The following IQGAP1 variants were observed in gnomAD, a reference collection of about 807,000 sequenced individuals.
The protein encoded by IQGAP1 is IQ motif containing GTPase activating protein 1, also known as ras GTPase-activating-like protein IQGAP1.
In IQGAP1, 66 loss-of-function variants were observed where a neutral mutation model predicts 215.6. The observed-to-expected ratio is 0.31, with a 90% CI of 0.25 to 0.38. IQGAP1 has a LOEUF of 0.38. IQGAP1 is among the 10% of genes least tolerant of loss of function. The probability of loss-of-function intolerance (pLI) is 1.00; values close to 1 mark genes in which losing one functional copy is unlikely to be tolerated. For missense variants in IQGAP1, 1,712 were observed against 1,997.1 expected (o/e 0.86, Z 2.72); for synonymous variants, 772 against 728.7 (o/e 1.06, Z -0.96).
At chr15:90,448,816 G>C in intron 10 of IQGAP1, 80 bp downstream of exon 10, 1 of 1,212,410 alleles carries the variant, frequency 8.2e-7, no homozygotes, top group Non-Finnish European at 1.1e-6. Flanking sequence ...AGATATATAT[G>C]CTGCCTTTGT....
At chr15:90,484,453 TCTAA>T in intron 30 of IQGAP1, 101 bp downstream of exon 30, 1 of 842,446 alleles carries the variant, frequency 1.2e-6, no homozygotes, top group Non-Finnish European at 1.9e-6. Context: ...CTTCCTGTAA[TCTAA>T]CTGACAATGC....
rs1479487614 is a variant in IQGAP1, at chr15:90,500,075, C to A, written c.4941C>A (p.Ile1647=). 5.6e-6 allele frequency: 9 copies of A among 1,610,458 alleles called. No homozygotes were observed. The East Asian group carries it at 1.1e-4, about 20-fold the overall frequency. Residue 1647 remains isoleucine (I), a synonymous_variant, in exon 38 of 38, where the codon ATC becomes ATA. Transcript: ENST00000268182. The part of the protein sequence containing the change: ...DRAKVNVNLL[I]FLLNKKFYGK Reference sequence around the variant, plus strand: ...CTAAAGTAAATGTCAACCTCCTGATCTTCCTTCTCAACAAAAAGTTCTACG... The same window carrying A: ...CTAAAGTAAATGTCAACCTCCTGATATTCCTTCTCAACAAAAAGTTCTACG...
intron 2 of IQGAP1, among the ~76,000 whole-genome samples, chr15:90,419,140 GAA>G (rs200209041): frequency 5.7e-4 from 64 of 112,156 alleles, no homozygotes; most frequent in Middle Eastern, 4.7e-3. Context: ...TCTCAAAAAA[GAA>G]AAAAAAAAAA....
chr15:90,491,600 G>A (rs551417439), intron 34 of IQGAP1, 55 bp downstream of exon 34: 241 of 1,404,554 alleles, frequency 1.7e-4, no homozygotes, highest in Middle Eastern at 1.1e-3. Flanking sequence ...TGAGAGGCTC[G>A]AGAGACAGTA....
At chr15:90,402,418 TTTC>T (rs1296322963) in intron 2 of IQGAP1, among the ~76,000 whole-genome samples, 5 of 152,200 alleles carry the variant, frequency 3.3e-5, no homozygotes, top group African/African-American at 1.2e-4. Flanking sequence ...AAAAGCTCTA[TTTC>T]TTCTTTACTC....
Position 90,487,048 on chromosome 15 carries a change from A to G in IQGAP1, c.4119A>G (p.Gly1373=), listed in dbSNP as rs891105035. ...LTLTNKFDVP[G]DENAEMDART... is the part of the protein sequence containing the mutation. ...TGACCAACAAGTTCGACGTGCCTGGAGATGAGAATGCAGAAATGGATGCTC... is the reference window on the plus strand; with the variant it reads ...TGACCAACAAGTTCGACGTGCCTGGGGATGAGAATGCAGAAATGGATGCTC... The change falls in exon 32 of 38, where the codon GGA becomes GGG. Residue 1373 remains glycine, a synonymous_variant. Coordinates refer to ENST00000268182, the MANE Select transcript of IQGAP1 (RefSeq NM_003870.4). The G allele has an allele frequency of 1.2e-6, 2 of 1,614,038 alleles. No individual in the cohort carries two copies. Among genetic ancestry groups the G allele is most frequent in the Middle Eastern group, 1.6e-4 (1 of 6,084 alleles).
At chr15:90,419,202 G>A (rs935085748) in intron 2 of IQGAP1, among the ~76,000 whole-genome samples, 1 of 151,264 alleles carries the variant, frequency 6.6e-6, no homozygotes, top group Non-Finnish European at 1.5e-5. Flanking sequence ...GTTCAAGTGA[G>A]AGTTTACTTG....
chr15:90,474,230 A>G (rs937692362), intron 22 of IQGAP1, 97 bp downstream of exon 22: 12 of 1,126,896 alleles, frequency 1.1e-5, no homozygotes, highest in Middle Eastern at 4.2e-4. Context: ...CCTGAAGGCA[A>G]GGCTTGGGGG....
intron 37 of IQGAP1, among the ~76,000 whole-genome samples, chr15:90,497,672 G>C (rs1213217481): frequency 6.6e-6 from 1 of 152,194 alleles, no homozygotes; most frequent in Admixed American, 6.5e-5. Flanking sequence ...TCAGTAGCTT[G>C]AAATCTTTTT....
rs1965625925 is a variant in IQGAP1, at chr15:90,452,924, C to T, written c.1312C>T (p.Arg438Ter). ...LYQKELATLQ[R>*]QSPEHNLTHP... The stretch of plus-strand genomic sequence containing the variant: ...TCAGAAGGAGCTGGCTACCCTGCAG[C>T]GACAAAGTCCTGAAGTGAGTTCACT... Residue 438 changes from arginine (R) to a stop codon, truncating the protein, a stop_gained, in exon 12 of 38, where the codon CGA becomes TGA. Transcript: ENST00000268182. LOFTEE classifies it high-confidence loss of function. 3 of 1,613,878 alleles carry T rather than the reference C, an allele frequency of 1.9e-6. No individual in the cohort carries two copies. Among genetic ancestry groups the T allele is most frequent in the Non-Finnish European group, 1.7e-6 (2 of 1,179,976 alleles).
At chr15:90,431,541 T>C (rs1965303457) in intron 4 of IQGAP1, among the ~76,000 whole-genome samples, 1 of 152,224 alleles carries the variant, frequency 6.6e-6, no homozygotes, top group Middle Eastern at 3.2e-3. Context: ...GAGATGCTTT[T>C]TTAATGATGT....
At chr15:90,443,347 C>G (rs779818905) in intron 8 of IQGAP1, 47 bp from the exon 9 acceptor site, 14 of 1,251,478 alleles carry the variant, frequency 1.1e-5, no homozygotes, top group Non-Finnish European at 1.5e-5. Context: ...ATGTGGTCTT[C>G]TTAGACACCT....
chr15:90,448,973 A>G (rs1190008163), intron 10 of IQGAP1, among the ~76,000 whole-genome samples: 1 of 152,150 alleles, frequency 6.6e-6, no homozygotes, highest in African/African-American at 2.4e-5. Context: ...ACCCATCCCC[A>G]GTCTAATCAC....
chr15:90,481,694 G>C (rs1004744343), intron 26 of IQGAP1, among the ~76,000 whole-genome samples: 1 of 152,144 alleles, frequency 6.6e-6, no homozygotes, highest in African/African-American at 2.4e-5. Flanking sequence ...CCACCAGACT[G>C]TAAAAGACTG....
At chr15:90,473,084 T>C (rs888423647) in intron 19 of IQGAP1, 74 bp downstream of exon 19, 82 of 1,402,968 alleles carry the variant, frequency 5.8e-5, no homozygotes, top group Non-Finnish European at 7.7e-5. Flanking sequence ...GCTGTCACCA[T>C]TGACTGTCTG....
At position 90,430,652 on chromosome 15, in the gene IQGAP1, T is replaced by C. The variant is rs149273488; in HGVS notation, c.390+986T>C. Among the ~76,000 whole-genome samples, 8 of 152,234 alleles carry C rather than the reference T, an allele frequency of 5.3e-5. No individual in the cohort carries two copies. In the East Asian group the frequency reaches 1.5e-3, roughly 29 times the overall value. ...TTTTGTGTAAAAATAAAGTGAGTGT[T>C]CTTGGGAAAAATTTGTAAGGAGATA... On this transcript the variant is annotated intron_variant, in intron 4 of 37. Coordinates refer to ENST00000268182, the MANE Select transcript of IQGAP1 (RefSeq NM_003870.4).
Position 90,500,093 on chromosome 15 carries a change from G to C in IQGAP1, c.4959G>C (p.Lys1653Asn). The C allele has an allele frequency of 6.3e-7, 1 of 1,599,570 alleles. No individual in the cohort carries two copies. The highest frequency in any genetic ancestry group is 8.6e-7 in the Non-Finnish European group (1 of 1,166,734). The change falls in exon 38 of 38, where the codon AAG (lysine) becomes AAC (asparagine). Residue 1653 changes from lysine (K) to asparagine (N), a missense_variant. Coordinates refer to ENST00000268182, the MANE Select transcript of IQGAP1 (RefSeq NM_003870.4). ...TCCTGATCTTCCTTCTCAACAAAAA[G>C]TTCTACGGGAAGTAATTGATCGTTT... ...VNLLIFLLNK[K>N]FYGK
At chr15:90,480,140 G>C (rs1966036437) in intron 26 of IQGAP1, among the ~76,000 whole-genome samples, 1 of 150,408 alleles carries the variant, frequency 6.6e-6, no homozygotes, top group South Asian at 2.1e-4. Context: ...AGTAGTCCCA[G>C]TTGCTCAGGA....
At chr15:90,416,979 T>C (rs1176646104) in intron 2 of IQGAP1, among the ~76,000 whole-genome samples, 1 of 152,210 alleles carries the variant, frequency 6.6e-6, no homozygotes, top group Non-Finnish European at 1.5e-5. Context: ...GACCATTTTT[T>C]CATGTGTCTG....
Sources: gnomAD v4.1 joint callset for allele counts (sites outside exome capture counted in the v4.1 genomes callset) on GRCh38, gnomAD v4.1.1 for gene constraint, MANE v1.5 for transcripts, NCBI Gene and HGNC (gene_info 2026-07-23, HGNC 2026-07-21) for gene names.